ALG8: variants seen among roughly 807,000 people sequenced by gnomAD.
ALG8 encodes the protein ALG8 alpha-1,3-glucosyltransferase.
ALG8 carries 48 observed loss-of-function variants against 70.2 expected under a neutral mutation model. That is an observed-to-expected ratio of 0.68 (90% CI 0.54 to 0.87). ALG8 has a LOEUF of 0.87. Ranked by LOEUF, ALG8 falls within the 40% of genes least tolerant of loss-of-function variation. The pLI is 0.00. For synonymous variants in ALG8, 234 were observed against 229.0 expected (o/e 1.02, Z -0.20); for missense variants, 572 against 608.7 (o/e 0.94, Z 0.64).
chr11:78,124,297 C>T, intron 2 of ALG8, 83 bp from the exon 3 acceptor site: 2 of 1,438,034 alleles, frequency 1.4e-6, no homozygotes, highest in East Asian at 4.6e-5. Flanking sequence ...TTTTCATTCT[C>T]TGGTCTTTAA....
At chr11:78,117,458 G>A (rs1328440153) in intron 5 of ALG8, among the ~76,000 whole-genome samples, 3 of 152,072 alleles carry the variant, frequency 2.0e-5, no homozygotes, top group Admixed American at 6.6e-5. Flanking sequence ...TGTAATCCCA[G>A]AGACTCAGAA....
chr11:78,130,839 G>A (rs187667303), intron 1 of ALG8, among the ~76,000 whole-genome samples: 140 of 151,964 alleles, frequency 9.2e-4, no homozygotes, highest in African/African-American at 3.3e-3. Flanking sequence ...TTTTTAGATG[G>A]ATGCTAGACA....
intron 5 of ALG8, among the ~76,000 whole-genome samples, chr11:78,115,398 T>A (rs942893687): frequency 4.6e-5 from 7 of 152,078 alleles, no homozygotes; most frequent in South Asian, 2.1e-4. Flanking sequence ...TAGCTTTTTT[T>A]TTGAGACGGA....
At chr11:78,129,848 G>A (rs923876619) in intron 1 of ALG8, among the ~76,000 whole-genome samples, 8 of 150,490 alleles carry the variant, frequency 5.3e-5, no homozygotes, top group Middle Eastern at 6.9e-3. Flanking sequence ...TTTTTAAGAA[G>A]TGATTCTGAC....
chr11:78,138,683 CA>C, intron 1 of ALG8: 1 of 454,064 alleles, frequency 2.2e-6, no homozygotes, highest in South Asian at 1.6e-5. Flanking sequence ...AGGCGGAAGC[CA>C]ATATTAATAA....
At chr11:78,107,731 A>G (rs112636606) in intron 9 of ALG8, 10,870 of 229,232 alleles carry the variant, frequency 0.047, 1,227 homozygotes, top group African/African-American at 0.24. Flanking sequence ...ATTCCCAGGT[A>G]CTCTGGAGGC....
At chr11:78,121,771 C>T (rs1425642104) in intron 3 of ALG8, among the ~76,000 whole-genome samples, 1 of 152,110 alleles carries the variant, frequency 6.6e-6, no homozygotes, top group Non-Finnish European at 1.5e-5. Context: ...GCTAATTTAA[C>T]ACTCTAAATT....
chr11:78,121,899 T>A (rs1338821565), intron 3 of ALG8, among the ~76,000 whole-genome samples: 1 of 152,218 alleles, frequency 6.6e-6, no homozygotes, highest in South Asian at 2.1e-4. Context: ...TGTTGAGATA[T>A]ATTACTAAGT....
Position 78,139,502 on chromosome 11 carries a change from GA to G in ALG8, c.86del (p.Ile29ThrfsTer62), listed in dbSNP as rs1253676812. On this transcript the variant is annotated frameshift_variant, in exon 1 of 13. Coordinates refer to ENST00000299626, the MANE Select transcript of ALG8 (RefSeq NM_024079.5). LOFTEE classifies it high-confidence loss of function. ...CCGTGCGAGTCCCTTACTATGTGGGGATGAGAAGGCATTTGAGAAGAGTCAC... is the reference window on the plus strand; with the variant it reads ...CCGTGCGAGTCCCTTACTATGTGGGGTGAGAAGGCATTTGAGAAGAGTCAC... ...LGVTLLKCLL[I>X]PTYHSTDFEV... The G allele has an allele frequency of 6.4e-7, 1 of 1,558,916 alleles. No homozygotes were observed. The highest frequency in any genetic ancestry group is 8.7e-7 in the Non-Finnish European group (1 of 1,150,872).
intron 1 of ALG8, among the ~76,000 whole-genome samples, chr11:78,136,288 C>A (rs912107832): frequency 6.6e-6 from 1 of 151,050 alleles, no homozygotes; most frequent in South Asian, 2.1e-4. Flanking sequence ...CACAGTGACA[C>A]CTCGTCTCTA....
chr11:78,121,568 AAAG>A (rs1860827142), intron 3 of ALG8, among the ~76,000 whole-genome samples: 1 of 151,868 alleles, frequency 6.6e-6, no homozygotes. Context: ...AAAAAAAAAA[AAAG>A]AAAAAATGGT....
intron 12 of ALG8, among the ~76,000 whole-genome samples, chr11:78,101,988 C>G (rs1426845191): frequency 6.6e-6 from 1 of 152,172 alleles, no homozygotes; most frequent in Non-Finnish European, 1.5e-5. Context: ...ATTACAGGCG[C>G]CTGCCACCAT....
Position 78,101,092 on chromosome 11 carries a change from C to T in ALG8, c.1453G>A (p.Val485Met). The T allele has an allele frequency of 1.9e-6, 3 of 1,614,188 alleles. No homozygotes were observed. Among genetic ancestry groups the T allele is most frequent in the Admixed American group, 1.7e-5 (1 of 60,022 alleles). ...EFVFPFTSWKVKYPFIPLLLT... is the reference protein window; with the variant it reads ...EFVFPFTSWKMKYPFIPLLLT... ...AACAAAGGGATGAAGGGGTACTTCA[C>T]CTTCCAGGAGGTGAAAGGGAATACA... is the stretch of plus-strand genomic sequence containing the variant. The change falls in exon 13 of 13, where the codon GTG (valine) becomes ATG (methionine). Residue 485 changes from valine to methionine, a missense_variant. Coordinates refer to ENST00000299626, the MANE Select transcript of ALG8 (RefSeq NM_024079.5).
chr11:78,125,443 T>C (rs972077428), intron 2 of ALG8, among the ~76,000 whole-genome samples: 14 of 151,594 alleles, frequency 9.2e-5, no homozygotes, highest in Admixed American at 5.3e-4. Context: ...TCGAAACTCA[T>C]AGGAAACTTG....
intron 3 of ALG8, 148 bp downstream of exon 3, chr11:78,123,873 A>T: frequency 1.2e-6 from 1 of 865,326 alleles, no homozygotes; most frequent in Non-Finnish European, 1.8e-6. Context: ...TTAAACATGT[A>T]GTTTAAAGCA....
intron 9 of ALG8, among the ~76,000 whole-genome samples, chr11:78,108,573 T>C (rs1056222993): frequency 3.9e-5 from 6 of 152,270 alleles, no homozygotes; most frequent in African/African-American, 1.4e-4. Flanking sequence ...CAGAAGTCCA[T>C]AGATGCTTTT....
rs755110552 is a variant in ALG8, at chr11:78,139,605, G to C, written c.-17C>G. On this transcript the variant is annotated 5_prime_UTR_variant, in exon 1 of 13. Transcript: ENST00000299626. The stretch of plus-strand genomic sequence containing the variant: ...CGCCGCCATTGCTGCGGCACCGCAC[G>C]CTTCCCACCAACTTGATCCACATCC... 1.9e-6 allele frequency: 3 copies of C among 1,551,384 alleles called. No individual in the cohort carries two copies. Among genetic ancestry groups the C allele is most frequent in the Middle Eastern group, 1.7e-4 (1 of 5,778 alleles).
intron 12 of ALG8, 44 bp downstream of exon 12, chr11:78,103,936 C>A: frequency 9.0e-7 from 1 of 1,115,568 alleles, no homozygotes; most frequent in Non-Finnish European, 1.3e-6. Context: ...TAGGTGTAAA[C>A]ATTTCACAAG....
chr11:78,136,373 G>C (rs532392344), intron 1 of ALG8, among the ~76,000 whole-genome samples: 2 of 151,714 alleles, frequency 1.3e-5, no homozygotes, highest in African/African-American at 4.8e-5. Context: ...ATAATAGAGA[G>C]AGAAAGGAAA....
Sources: allele counts gnomAD v4.1 joint callset (sites outside exome capture counted in the v4.1 genomes callset), GRCh38; gene constraint gnomAD v4.1.1; transcripts MANE v1.5; gene names NCBI Gene and HGNC (gene_info 2026-07-23, HGNC 2026-07-21).